Variants in MICAL3 observed in about 807,000 individuals in gnomAD.
MICAL3 encodes the protein microtubule associated monooxygenase, calponin and LIM domain containing 3.
In MICAL3, 62 loss-of-function variants were observed where a neutral mutation model predicts 207.4. That is an observed-to-expected ratio of 0.30 (90% CI 0.24 to 0.37). The LOEUF is 0.37. Among genes scored for constraint, MICAL3 ranks in the 10% least tolerant of loss-of-function variants. The pLI, the probability that MICAL3 is intolerant of heterozygous loss-of-function variation, is 1.00. For synonymous variants in MICAL3, 1,077 were observed against 1,069.3 expected (o/e 1.01, Z -0.14); for missense variants, 2,368 against 2,635.6 (o/e 0.90, Z 2.22).
intron 1 of MICAL3, among the ~76,000 whole-genome samples, chr22:17,929,917 T>C (rs955236755): frequency 6.6e-6 from 1 of 152,222 alleles, no homozygotes; most frequent in South Asian, 2.1e-4. Flanking sequence ...AAAAGGGCTA[T>C]GTGTAACCAA....
At chr22:17,861,511 A>T (rs989577599) in intron 19 of MICAL3, 4 of 985,318 alleles carry the variant, frequency 4.1e-6, no homozygotes, top group African/African-American at 1.7e-5. Flanking sequence ...TTGGTCATCA[A>T]CCGTATCAGA....
chr22:17,879,271 C>A, intron 16 of MICAL3: 1 of 1,334,452 alleles, frequency 7.5e-7, no homozygotes, highest in South Asian at 1.4e-5. Flanking sequence ...TATCCCTTCC[C>A]GCTGCCCCAC....
At chr22:17,891,407 A>G in intron 12 of MICAL3, 78 bp downstream of exon 12, 2 of 1,379,040 alleles carry the variant, frequency 1.5e-6, no homozygotes, top group Non-Finnish European at 2.0e-6. Context: ...AGGAAAAAGG[A>G]CAAAATGTTA....
intron 1 of MICAL3, among the ~76,000 whole-genome samples, chr22:17,948,168 G>A (rs1458396854): frequency 6.6e-6 from 1 of 152,202 alleles, no homozygotes; most frequent in East Asian, 1.9e-4. Flanking sequence ...AGTCTGGCAA[G>A]TCCCCACTCC....
At chr22:17,861,824 A>G in intron 19 of MICAL3, 1 of 985,408 alleles carries the variant, frequency 1.0e-6, no homozygotes, top group East Asian at 1.1e-4. Context: ...CCCAAACACT[A>G]AATTAGGCAG....
chr22:17,806,292 C>T (rs1043911736), intron 29 of MICAL3, among the ~76,000 whole-genome samples: 26 of 152,324 alleles, frequency 1.7e-4, no homozygotes, highest in East Asian at 1.9e-4. Flanking sequence ...ACAGCACGCA[C>T]GCCTGTCAGC....
intron 16 of MICAL3, among the ~76,000 whole-genome samples, chr22:17,878,633 C>G (rs1013668406): frequency 6.6e-6 from 1 of 152,132 alleles, no homozygotes; most frequent in African/African-American, 2.4e-5. Flanking sequence ...TGATTCTTCC[C>G]GCTAGCTGCA....
chr22:17,901,476 C>G (rs1042104838), intron 5 of MICAL3, among the ~76,000 whole-genome samples: 3 of 151,916 alleles, frequency 2.0e-5, no homozygotes, highest in African/African-American at 7.3e-5. Flanking sequence ...TGAGACCAGC[C>G]CATGCAACAT....
chr22:18,012,103 C>T (rs773051903), intron 1 of MICAL3, among the ~76,000 whole-genome samples: 1 of 151,422 alleles, frequency 6.6e-6, no homozygotes, highest in Non-Finnish European at 1.5e-5. Context: ...GGTATGGTGG[C>T]GGGAGCCTAT....
chr22:17,871,766 G>A, intron 17 of MICAL3, 71 bp downstream of exon 17: 1 of 1,429,076 alleles, frequency 7.0e-7, no homozygotes, highest in Non-Finnish European at 9.4e-7. Context: ...GGGCCCAAAG[G>A]CGCCCAGCTC....
Position 17,910,392 on chromosome 22 carries a change from G to A in MICAL3, c.-74-3506C>T, listed in dbSNP as rs564306376. ...TTCCAAATCAAACCCCACTACAGAG[G>A]AACGGCTTCACTAATAACTGTCCCC... On this transcript the variant is annotated intron_variant, in intron 1 of 31. Transcript: ENST00000441493. Among the ~76,000 whole-genome samples the A allele has an allele frequency of 2.6e-5, 4 of 152,284 alleles. No homozygotes were observed. The East Asian group carries it at 7.7e-4, about 29-fold the overall frequency.
chr22:17,872,990 T>C, intron 16 of MICAL3: 3 of 659,350 alleles, frequency 4.5e-6, no homozygotes, highest in South Asian at 1.8e-5. Flanking sequence ...CAGCAAACCA[T>C]GCCAACACAG....
chr22:17,807,162 G>C (rs892602243), intron 29 of MICAL3, among the ~76,000 whole-genome samples: 1 of 152,238 alleles, frequency 6.6e-6, no homozygotes, highest in African/African-American at 2.4e-5. Flanking sequence ...TGTGGAGAAG[G>C]GCAAGAAGGA....
At chr22:18,004,319 G>A (rs1923237243) in intron 1 of MICAL3, 1 of 151,146 alleles carries the variant, frequency 6.6e-6, no homozygotes, top group Non-Finnish European at 1.5e-5. Flanking sequence ...CCAGGCTGGA[G>A]TGCATGATCT....
At chr22:17,794,584 CCT>C (rs1435045133) in intron 29 of MICAL3, among the ~76,000 whole-genome samples, 4 of 152,192 alleles carry the variant, frequency 2.6e-5, no homozygotes, top group Non-Finnish European at 5.9e-5. Flanking sequence ...GTCACTGTCC[CCT>C]CTCTCCCCCA....
Position 17,868,381 on chromosome 22 carries a change from G to A in MICAL3, c.2429-2369C>T, listed in dbSNP as rs74975410. ...CCAAGTGCCAGACACTATTTTAACT[G>A]CTTTCCATCTATCAACTCATTTAAT... On this transcript the variant is annotated intron_variant, in intron 17 of 31. Coordinates refer to ENST00000441493, the MANE Select transcript of MICAL3 (RefSeq NM_015241.3). Among the ~76,000 whole-genome samples the A allele has an allele frequency of 7.2e-3, 1,084 of 151,576 alleles. 12 individuals are homozygous for A. Among genetic ancestry groups the A allele is most frequent in the African/African-American group, 0.025 (1,021 of 41,334 alleles).
At chr22:17,949,683 C>T (rs1934238884) in intron 1 of MICAL3, among the ~76,000 whole-genome samples, 1 of 152,204 alleles carries the variant, frequency 6.6e-6, no homozygotes, top group South Asian at 2.1e-4. Flanking sequence ...TCTCAAATAC[C>T]GTAGTGCCTG....
chr22:17,911,864 G>A (rs1281471892), intron 1 of MICAL3, among the ~76,000 whole-genome samples: 3 of 87,660 alleles, frequency 3.4e-5, no homozygotes, highest in Non-Finnish European at 6.0e-5. Context: ...TAGGTGGAGA[G>A]GAACACTTGA....
chr22:17,829,165 CTTTT>C (rs11345969), intron 21 of MICAL3, among the ~76,000 whole-genome samples: 2 of 127,604 alleles, frequency 1.6e-5, no homozygotes, highest in African/African-American at 2.9e-5. Context: ...GTGAATTTGC[CTTTT>C]TTTTTTTTTT....
Sources: allele counts gnomAD v4.1 joint callset (sites outside exome capture counted in the v4.1 genomes callset), GRCh38; gene constraint gnomAD v4.1.1; transcripts MANE v1.5; gene names NCBI Gene and HGNC (gene_info 2026-07-23, HGNC 2026-07-21).